The following KIF14 variants were observed in gnomAD, a reference collection of about 807,000 sequenced individuals.
KIF14 encodes the protein kinesin family member 14, also known as kinesin-like protein KIF14.
KIF14 carries 98 observed loss-of-function variants against 176.2 expected under a neutral mutation model. The ratio of observed to expected loss-of-function variants is 0.56; its 90% CI spans 0.47 to 0.66. The LOEUF (loss-of-function observed/expected upper bound fraction) is 0.66. KIF14 is among the 30% of genes least tolerant of loss of function. The probability of loss-of-function intolerance (pLI) is 0.00; values close to 1 mark genes in which losing one functional copy is unlikely to be tolerated. For synonymous variants in KIF14, 566 were observed against 632.2 expected, an observed-to-expected ratio of 0.90 and a Z score of 1.57; for missense variants, 1,751 against 1,920.4, an observed-to-expected ratio of 0.91 and a Z score of 1.65.
At chr1:200,572,548 T>C (rs1657861318) in intron 22 of KIF14, among the ~76,000 whole-genome samples, 2 of 152,124 alleles carry the variant, frequency 1.3e-5, no homozygotes. Context: ...TTTCACCGTG[T>C]TAGCCAGGAT....
intron 23 of KIF14, among the ~76,000 whole-genome samples, chr1:200,566,399 T>C (rs1018701009): frequency 9.9e-5 from 15 of 151,730 alleles, no homozygotes; most frequent in African/African-American, 3.4e-4. Context: ...GGGACCATCC[T>C]GGCTAACGTG....
At chr1:200,589,671 CTTTTTTTTTTTT>C (rs1204882989) in intron 17 of KIF14, among the ~76,000 whole-genome samples, 3 of 76,532 alleles carry the variant, frequency 3.9e-5, no homozygotes, top group African/African-American at 1.2e-4. Context: ...CAACTTTTTT[CTTTTTTTTTTTT>C]TTTTTTTTTT....
intron 19 of KIF14, among the ~76,000 whole-genome samples, chr1:200,583,639 A>G (rs528420533): frequency 2.6e-5 from 4 of 152,292 alleles, no homozygotes; most frequent in South Asian, 4.1e-4. Context: ...AAAAAGTGCA[A>G]TCAAAAGTCT....
At chr1:200,570,959 G>A (rs1244742823) in intron 22 of KIF14, among the ~76,000 whole-genome samples, 1 of 152,090 alleles carries the variant, frequency 6.6e-6, no homozygotes, top group African/African-American at 2.4e-5. Flanking sequence ...ACTTCTTTGT[G>A]TCCATGTGTA....
chr1:200,590,284 C>G lies in KIF14; in HGVS notation c.2814-12G>C. On this transcript the variant is annotated splice_polypyrimidine_tract_variant and intron_variant, in intron 16 of 29. Transcript: ENST00000367350. ...TTTCTGCTTCAAGTCTACAATGTAG[C>G]AAGATGTTTATAGGGTACATGTTAA... 1 of 1,609,006 alleles carries G rather than the reference C, an allele frequency of 6.2e-7. No individual in the cohort carries two copies. The highest frequency in any genetic ancestry group is 2.2e-5 in the East Asian group (1 of 44,838).
chr1:200,607,219 AACCTCT>A, intron 5 of KIF14, among the ~76,000 whole-genome samples: 1 of 152,078 alleles, frequency 6.6e-6, no homozygotes, highest in Admixed American at 6.5e-5. Context: ...GGCTCAGTGC[AACCTCT>A]GCCTCCTGGG....
At position 200,593,772 on chromosome 1, in the gene KIF14, G is replaced by A; in HGVS notation, c.2550-3C>T. 1 of 1,545,244 alleles carries A rather than the reference G, an allele frequency of 6.5e-7. No individual in the cohort carries two copies. Among genetic ancestry groups the A allele is most frequent in the South Asian group, 1.1e-5 (1 of 89,532 alleles). On this transcript the variant is annotated splice_polypyrimidine_tract_variant and splice_region_variant and intron_variant, in intron 14 of 29. Coordinates refer to ENST00000367350, the MANE Select transcript of KIF14 (RefSeq NM_014875.3). ...TCCCACCAAAATTTTTGATAGTACT[G>A]TTAAAATAAGAAGCACATAGTTAAC...
At chr1:200,598,054 T>C (rs1659445968) in intron 14 of KIF14, among the ~76,000 whole-genome samples, 183 bp downstream of exon 14, 1 of 152,156 alleles carries the variant, frequency 6.6e-6, no homozygotes, top group African/African-American at 2.4e-5. Flanking sequence ...GTACTTTATA[T>C]TGAGAGTAAC....
chr1:200,610,687 C>T (rs1190081646), intron 4 of KIF14, among the ~76,000 whole-genome samples: 6 of 152,100 alleles, frequency 3.9e-5, no homozygotes, highest in African/African-American at 1.4e-4. Flanking sequence ...GATTCTTGCT[C>T]ATGAGGCTAA....
intron 18 of KIF14, among the ~76,000 whole-genome samples, chr1:200,588,253 T>G (rs565938193): frequency 2.7e-4 from 38 of 140,932 alleles, no homozygotes; most frequent in East Asian, 9.7e-4. Flanking sequence ...GTTTTGTTTT[T>G]TTTTTTTTGA....
chr1:200,595,232 T>C (rs1418959831), intron 14 of KIF14, among the ~76,000 whole-genome samples: 1 of 152,060 alleles, frequency 6.6e-6, no homozygotes, highest in African/African-American at 2.4e-5. Flanking sequence ...AGAAGTCAAC[T>C]CTTCCTTCTC....
intron 21 of KIF14, among the ~76,000 whole-genome samples, chr1:200,578,446 C>T (rs1658252181): frequency 6.6e-6 from 1 of 152,076 alleles, no homozygotes; most frequent in African/African-American, 2.4e-5. Flanking sequence ...AGTAGCAATG[C>T]AACAATACAT....
chr1:200,575,341 T>C (rs1166177689), intron 22 of KIF14, among the ~76,000 whole-genome samples: 2 of 152,288 alleles, frequency 1.3e-5, no homozygotes, highest in African/African-American at 2.4e-5. Flanking sequence ...TTAAGACTTA[T>C]ATGATGGAAC....
intron 2 of KIF14, 95 bp downstream of exon 2, chr1:200,617,517 G>C: frequency 8.4e-7 from 1 of 1,194,086 alleles, no homozygotes; most frequent in Non-Finnish European, 1.2e-6. Context: ...CAAGTTTGAA[G>C]ATGCACGAAT....
rs534431252 is a variant in KIF14, at chr1:200,576,253, C to T, written c.3466-562G>A. Among the ~76,000 whole-genome samples, 757 of 151,534 alleles carry T rather than the reference C, an allele frequency of 5.0e-3. 1 individual carries two copies. Among genetic ancestry groups the T allele is most frequent in the Middle Eastern group, 0.01 (3 of 294 alleles). On this transcript the variant is annotated intron_variant, in intron 21 of 29. Transcript: ENST00000367350. ...CAGCACTTTGGGAGGCCGAGGCGGGCGGATCACGAGGTCAGGAGATCGAGA... is the reference window on the plus strand; with the variant it reads ...CAGCACTTTGGGAGGCCGAGGCGGGTGGATCACGAGGTCAGGAGATCGAGA...
chr1:200,551,792 T>C lies in KIF14; in HGVS notation c.*1596A>G, dbSNP rs946947817. The C allele has an allele frequency of 6.6e-6, 1 of 152,146 alleles. No homozygotes were observed. The highest frequency in any genetic ancestry group is 1.5e-5 in the Non-Finnish European group (1 of 68,030). The allele number at this position is 152,146 out of a possible 1,614,324, so 9.4% of individuals were successfully genotyped here. On this transcript the variant is annotated 3_prime_UTR_variant, in exon 30 of 30. Coordinates refer to ENST00000367350, the MANE Select transcript of KIF14 (RefSeq NM_014875.3). ...AAGTGCACCTCCCGGGAAATCCTCA[T>C]ATGTACATCTACACTCCAGCAAACT...
At position 200,554,512 on chromosome 1, in the gene KIF14, T is replaced by C; in HGVS notation, c.4523A>G (p.His1508Arg). The C allele has an allele frequency of 6.5e-7, 1 of 1,545,570 alleles. No homozygotes were observed. Among genetic ancestry groups the C allele is most frequent in the Non-Finnish European group, 8.9e-7 (1 of 1,121,176 alleles). The change falls in exon 29 of 30, where the codon CAT becomes CGT. Residue 1508 changes from histidine (H) to arginine (R), a missense_variant. By Grantham distance (29) the His-to-Arg change is conservative. Transcript: ENST00000367350. ...AATTTCAATAGCTTTCTCTAAGCAATGTTTTAACTTTAAGAATTCTGGAGC... is the reference window on the plus strand; with the variant it reads ...AATTTCAATAGCTTTCTCTAAGCAACGTTTTAACTTTAAGAATTCTGGAGC... ...NRAPEFLKLK[H>R]CLEKAIEIII...
intron 4 of KIF14, among the ~76,000 whole-genome samples, chr1:200,612,427 G>C (rs1660201717): frequency 6.6e-6 from 1 of 152,166 alleles, no homozygotes; most frequent in South Asian, 2.1e-4. Flanking sequence ...ACTTATCTAT[G>C]TCTTCCTGGC....
At chr1:200,565,726 T>A in intron 23 of KIF14, 57 bp from the exon 24 acceptor site, 1 of 1,189,674 alleles carries the variant, frequency 8.4e-7, no homozygotes, top group Non-Finnish European at 1.2e-6. Context: ...TACTTTCTTT[T>A]TTAAAAAAAG....
Sources: allele counts gnomAD v4.1 joint callset (sites outside exome capture counted in the v4.1 genomes callset), GRCh38; gene constraint gnomAD v4.1.1; transcripts MANE v1.5; gene names NCBI Gene and HGNC (gene_info 2026-07-23, HGNC 2026-07-21).